ESR1: variants seen among roughly 807,000 people sequenced by gnomAD.
ESR1 encodes estrogen receptor.
A neutral mutation model predicts 52.7 loss-of-function variants in ESR1; 12 were observed. The observed-to-expected ratio is 0.23, with a 90% CI of 0.15 to 0.37. The LOEUF is 0.37. ESR1 is among the 10% of genes least tolerant of loss of function. ESR1 has a pLI of 1.00. For missense variants in ESR1, 584 were observed against 779.7 expected (o/e 0.75, Z 2.99); for synonymous variants, 305 against 316.8 (o/e 0.96, Z 0.39).
rs138331014 is a variant in ESR1 at position 152,072,068 on chromosome 6, G to A, written c.1369+10944G>A. Among the ~76,000 whole-genome samples the A allele has an allele frequency of 2.1e-4, 30 of 144,570 alleles. No homozygotes were observed. In the East Asian group the frequency reaches 5.9e-3, roughly 28 times the overall value. 94.8% of individuals were successfully genotyped at this position (144,570 alleles called of 152,430 possible). On this transcript the variant is annotated intron_variant, in intron 6 of 7. Transcript: ENST00000206249. ...CATGAGACAGAGGAGAGTTATGGAG[G>A]GTAGACGGCTTCCCCGCTGCTCAGC...
chr6:151,774,705 T>C (rs1050151715), intron 2 of ESR1, among the ~76,000 whole-genome samples: 1 of 152,176 alleles, frequency 6.6e-6, no homozygotes, highest in African/African-American at 2.4e-5. Context: ...TGTTGAACAT[T>C]CGTAGGATTA....
At chr6:151,668,061 T>A (rs751196065) in intron 1 of ESR1, among the ~76,000 whole-genome samples, 9 of 152,150 alleles carry the variant, frequency 5.9e-5, no homozygotes, top group Non-Finnish European at 1.2e-4. Context: ...AGTGTCTTAG[T>A]CTATTCTGTG....
intron 3 of ESR1, among the ~76,000 whole-genome samples, chr6:151,902,521 A>G (rs78563638): frequency 0.022 from 3,424 of 152,336 alleles, 51 homozygotes; most frequent in Middle Eastern, 0.054. Flanking sequence ...AAATTGATGT[A>G]TAGATGTCAG....
intron 6 of ESR1, among the ~76,000 whole-genome samples, chr6:152,118,829 C>G (rs1322937985): frequency 1.3e-5 from 2 of 152,104 alleles, no homozygotes; most frequent in African/African-American, 2.4e-5. Flanking sequence ...GAGGTCCTCC[C>G]CGAGAGGACT....
chr6:151,772,640 G>C (rs555008474), intron 2 of ESR1, among the ~76,000 whole-genome samples: 1 of 152,280 alleles, frequency 6.6e-6, no homozygotes, highest in East Asian at 1.9e-4. Context: ...AGAAGGATGG[G>C]AGCAGCTGCA....
At chr6:151,938,227 G>A (rs1001032234) in intron 3 of ESR1, among the ~76,000 whole-genome samples, 1 of 151,998 alleles carries the variant, frequency 6.6e-6, no homozygotes, top group East Asian at 1.9e-4. Flanking sequence ...TGGAAGCATA[G>A]CATATTAAGA....
intron 3 of ESR1, among the ~76,000 whole-genome samples, chr6:151,920,210 A>G (rs1250612110): frequency 6.6e-6 from 1 of 152,130 alleles, no homozygotes; most frequent in Non-Finnish European, 1.5e-5. Flanking sequence ...ACATAGCAGC[A>G]TGAATGGTAG....
chr6:151,886,281 C>T (rs950329591), intron 3 of ESR1, among the ~76,000 whole-genome samples: 25 of 151,844 alleles, frequency 1.6e-4, no homozygotes, highest in Admixed American at 1.4e-3. Flanking sequence ...GATTCAGAGG[C>T]GTGTTTGAGG....
At chr6:152,017,668 T>C (rs1238725034) in intron 5 of ESR1, among the ~76,000 whole-genome samples, 5 of 152,002 alleles carry the variant, frequency 3.3e-5, no homozygotes, top group African/African-American at 9.7e-5. Flanking sequence ...CCTGCTTGAG[T>C]GCTCATGATG....
chr6:152,092,754 C>CA (rs1448996230), intron 6 of ESR1, among the ~76,000 whole-genome samples: 2 of 152,084 alleles, frequency 1.3e-5, no homozygotes, highest in African/African-American at 4.8e-5. Context: ...CTTGTAGTCC[C>CA]AAAAAAGCCT....
Position 151,751,773 on chromosome 6 carries a change from C to A in ESR1, c.-71+49768C>A, listed in dbSNP as rs542167668. On this transcript the variant is annotated intron_variant, in intron 2 of 2. Coordinates refer to the ESR1 transcript ENST00000404742. ...ACTTGGTTCACAATATTTTCCAAAA[C>A]TATAATGTACCAGCCAGTTGGTACA... 3.3e-5 allele frequency among the ~76,000 whole-genome samples: 5 copies of A among 152,208 alleles called. No homozygotes were observed. In the South Asian group the frequency reaches 1.0e-3, roughly 32 times the overall value.
In ESR1 at chr6:151,954,401, A is replaced by T. The variant is rs570113803; in HGVS notation, c.1096+9893A>T. Among the ~76,000 whole-genome samples, 22 of 152,338 alleles carry T rather than the reference A, an allele frequency of 1.4e-4. No individual in the cohort carries two copies. The South Asian group carries it at 4.6e-3, about 32-fold the overall frequency. On this transcript the variant is annotated intron_variant, in intron 4 of 7. Transcript: ENST00000206249. ...AGCTGTATCTAGCAAAGCCCCTCAC[A>T]CAATAGTAGGAAAAAGCAGAAGTGT...
At chr6:152,064,101 A>C (rs3778080) in intron 6 of ESR1, among the ~76,000 whole-genome samples, 17,108 of 152,240 alleles carry the variant, frequency 0.11, 1,214 homozygotes, top group East Asian at 0.33. Flanking sequence ...AAAACCCGGA[A>C]TCATCCATAG....
At chr6:151,661,959 C>T (rs1239025192) in intron 1 of ESR1, among the ~76,000 whole-genome samples, 1 of 152,072 alleles carries the variant, frequency 6.6e-6, no homozygotes, top group Non-Finnish European at 1.5e-5. Context: ...TATAAATTAC[C>T]AAGTCTCAGG....
intron 2 of ESR1, among the ~76,000 whole-genome samples, chr6:151,763,004 A>T (rs1387461434): frequency 6.6e-6 from 1 of 151,558 alleles, no homozygotes. Flanking sequence ...ATATATAAAG[A>T]TGTAATTTTT....
intron 3 of ESR1, among the ~76,000 whole-genome samples, chr6:151,908,565 T>C (rs1421211103): frequency 2.0e-5 from 3 of 152,178 alleles, no homozygotes; most frequent in African/African-American, 7.2e-5. Flanking sequence ...GCTAAGCCTC[T>C]AACTGCATAC....
At chr6:151,965,929 T>C (rs903312720) in intron 4 of ESR1, among the ~76,000 whole-genome samples, 9 of 152,186 alleles carry the variant, frequency 5.9e-5, no homozygotes, top group East Asian at 5.8e-4. Flanking sequence ...AAATATTAGT[T>C]ACTGTAATCA....
intron 7 of ESR1, among the ~76,000 whole-genome samples, chr6:152,096,881 C>T (rs1163237163): frequency 6.6e-6 from 1 of 152,140 alleles, no homozygotes; most frequent in Non-Finnish European, 1.5e-5. Flanking sequence ...CTGGGAATTT[C>T]GGTGATGTTG....
At chr6:152,077,117 G>C (rs2048800789) in intron 6 of ESR1, among the ~76,000 whole-genome samples, 1 of 152,098 alleles carries the variant, frequency 6.6e-6, no homozygotes. Flanking sequence ...ACAGTTTTGT[G>C]GGCCAGTCCC....
Sources: allele counts gnomAD v4.1 joint callset (sites outside exome capture counted in the v4.1 genomes callset), GRCh38; gene constraint gnomAD v4.1.1; transcripts MANE v1.5; gene names NCBI Gene and HGNC (gene_info 2026-07-23, HGNC 2026-07-21).